VPS13B: variants seen among roughly 807,000 people sequenced by gnomAD.
VPS13B encodes the protein intermembrane lipid transfer protein VPS13B.
VPS13B carries 285 observed loss-of-function variants against 426.4 expected under a neutral mutation model. The ratio of observed to expected loss-of-function variants is 0.67; its 90% CI spans 0.61 to 0.74. VPS13B has a LOEUF of 0.74. Ranked by LOEUF, VPS13B falls within the 30% of genes least tolerant of loss-of-function variation. The probability of loss-of-function intolerance (pLI) is 0.00; values close to 1 mark genes in which losing one functional copy is unlikely to be tolerated. For missense variants in VPS13B, 4,537 were observed against 4,782.6 expected, an observed-to-expected ratio of 0.95 and a Z score of 1.51; for synonymous variants, 1,676 against 1,676.4, an observed-to-expected ratio of 1.00 and a Z score of 0.01.
intron 35 of VPS13B, among the ~76,000 whole-genome samples, chr8:99,687,699 C>T (rs531527793): frequency 6.6e-6 from 1 of 152,200 alleles, no homozygotes; most frequent in East Asian, 1.9e-4. Context: ...CACAGCCACC[C>T]TTGCGGAGAT....
chr8:99,652,388 C>A (rs1829854529), intron 34 of VPS13B, among the ~76,000 whole-genome samples: 1 of 152,050 alleles, frequency 6.6e-6, no homozygotes, highest in Non-Finnish European at 1.5e-5. Flanking sequence ...GTGTATGGCA[C>A]AAGGCTCAAT....
chr8:99,494,402 T>C (rs548569974), intron 25 of VPS13B, among the ~76,000 whole-genome samples: 2 of 152,290 alleles, frequency 1.3e-5, no homozygotes, highest in East Asian at 3.9e-4. Flanking sequence ...TAGTTTTCAT[T>C]ATGTCTTTTA....
At chr8:99,028,890 T>C (rs1233041542) in intron 2 of VPS13B, among the ~76,000 whole-genome samples, 1 of 38,318 alleles carries the variant, frequency 2.6e-5, no homozygotes, top group South Asian at 1.8e-3. Flanking sequence ...CCCCCCCACC[T>C]CCCTCCCGGA....
chr8:99,185,119 T>G (rs1813150663), intron 16 of VPS13B, among the ~76,000 whole-genome samples: 1 of 152,244 alleles, frequency 6.6e-6, no homozygotes, highest in Non-Finnish European at 1.5e-5. Context: ...AGGATTTGTA[T>G]TCATGTAAAG....
At chr8:99,024,213 G>A (rs1842032452) in intron 2 of VPS13B, among the ~76,000 whole-genome samples, 1 of 152,176 alleles carries the variant, frequency 6.6e-6, no homozygotes, top group Admixed American at 6.5e-5. Flanking sequence ...TTTGAGAAAT[G>A]TCTACTCAGA....
intron 54 of VPS13B, 24 bp downstream of exon 54, chr8:99,835,762 C>T: frequency 6.2e-7 from 1 of 1,613,172 alleles, no homozygotes; most frequent in South Asian, 1.1e-5. Context: ...GTGTTCCTGC[C>T]AAGACCCAAA....
chr8:99,156,878 G>T, intron 15 of VPS13B, 135 bp downstream of exon 15: 1 of 740,294 alleles, frequency 1.4e-6, no homozygotes, highest in South Asian at 2.3e-5. Flanking sequence ...GAAATAAGAT[G>T]TATTTATTCC....
chr8:99,435,248 T>C (rs1817311004), intron 22 of VPS13B, among the ~76,000 whole-genome samples: 1 of 152,208 alleles, frequency 6.6e-6, no homozygotes, highest in African/African-American at 2.4e-5. Flanking sequence ...TATTTAGTTG[T>C]TTAAAGTTTA....
At chr8:99,253,485 G>A (rs956464849) in intron 17 of VPS13B, among the ~76,000 whole-genome samples, 2 of 152,028 alleles carry the variant, frequency 1.3e-5, no homozygotes, top group Non-Finnish European at 1.5e-5. Flanking sequence ...CCTCACCAAC[G>A]CTTGTTATTG....
chr8:99,015,124 C>T (rs963273816), intron 2 of VPS13B, among the ~76,000 whole-genome samples: 39 of 152,062 alleles, frequency 2.6e-4, no homozygotes, highest in African/African-American at 9.2e-4. Flanking sequence ...CTTCTTTTTC[C>T]TCTTCCCAAG....
intron 15 of VPS13B, among the ~76,000 whole-genome samples, chr8:99,159,808 A>C (rs1295094005): frequency 2.0e-5 from 3 of 152,044 alleles, no homozygotes; most frequent in Middle Eastern, 3.2e-3. Context: ...ACAGGTACAC[A>C]TGCCCATGCT....
intron 39 of VPS13B, among the ~76,000 whole-genome samples, chr8:99,761,934 G>A (rs1287927845): frequency 6.6e-6 from 1 of 152,046 alleles, no homozygotes; most frequent in African/African-American, 2.4e-5. Flanking sequence ...TGATAGCACA[G>A]CAAGGTGACT....
intron 6 of VPS13B, among the ~76,000 whole-genome samples, chr8:99,114,788 C>A (rs1383444718): frequency 6.6e-6 from 1 of 152,072 alleles, no homozygotes; most frequent in African/African-American, 2.4e-5. Context: ...CGATGATTAC[C>A]ATTACTATTA....
intron 24 of VPS13B, among the ~76,000 whole-genome samples, chr8:99,480,533 A>G (rs1819982773): frequency 6.6e-6 from 1 of 152,176 alleles, no homozygotes; most frequent in South Asian, 2.1e-4. Context: ...CTCTATAGAG[A>G]GAAACATTCA....
intron 16 of VPS13B, among the ~76,000 whole-genome samples, chr8:99,188,189 A>G (rs1302361907): frequency 1.3e-5 from 2 of 151,066 alleles, no homozygotes; most frequent in Non-Finnish European, 2.9e-5. Context: ...CATCATTTTA[A>G]AGTGTACAAT....
chr8:99,457,380 A>G (rs183726684), intron 23 of VPS13B, among the ~76,000 whole-genome samples: 191 of 152,174 alleles, frequency 1.3e-3, no homozygotes, highest in African/African-American at 4.3e-3. Context: ...TGAGTTATCT[A>G]ATTTGTTGGC....
At chr8:99,057,035 A>G (rs1843914269) in intron 3 of VPS13B, among the ~76,000 whole-genome samples, 1 of 152,082 alleles carries the variant, frequency 6.6e-6, no homozygotes, top group Non-Finnish European at 1.5e-5. Context: ...TTGTTAAGTT[A>G]TAGAAATGCA....
rs529727231 is a variant in VPS13B at position 99,683,315 on chromosome 8, T to C, written c.6047-16210T>C. On this transcript the variant is annotated intron_variant, in intron 35 of 61. Coordinates refer to ENST00000357162, the MANE Select transcript of VPS13B (RefSeq NM_152564.5). ...CAATGTTGTTATTCTTTCTCAAAAA[T>C]GTTTTGGTTATTCTTGTTCCTTTGC... Among the ~76,000 whole-genome samples the C allele has an allele frequency of 3.9e-5, 6 of 152,328 alleles. No homozygotes were observed. In the South Asian group the frequency reaches 1.2e-3, roughly 32 times the overall value.
intron 5 of VPS13B, among the ~76,000 whole-genome samples, chr8:99,105,401 CAG>C (rs1185100004): frequency 5.9e-5 from 9 of 152,052 alleles, no homozygotes; most frequent in Admixed American, 6.6e-5. Context: ...TTTTTTGAGA[CAG>C]AGTCTCGCTC....
Sources: gnomAD v4.1 joint callset for allele counts (sites outside exome capture counted in the v4.1 genomes callset) on GRCh38, gnomAD v4.1.1 for gene constraint, MANE v1.5 for transcripts, NCBI Gene and HGNC (gene_info 2026-07-23, HGNC 2026-07-21) for gene names.